CNTRL: variants seen among roughly 807,000 people sequenced by gnomAD.
CNTRL encodes the protein centriolin.
Under a neutral mutation model 303.7 loss-of-function variants are expected in CNTRL, and 233 were observed. That is an observed-to-expected ratio of 0.77 (90% CI 0.69 to 0.86). The LOEUF (loss-of-function observed/expected upper bound fraction) is 0.86. Among genes scored for constraint, CNTRL ranks in the 40% least tolerant of loss-of-function variants. CNTRL has a pLI of 0.00. For missense variants in CNTRL, 2,524 were observed against 2,650.6 expected, an observed-to-expected ratio of 0.95 and a Z score of 1.05; for synonymous variants, 900 against 922.2, an observed-to-expected ratio of 0.98 and a Z score of 0.44.
intron 16 of CNTRL, among the ~76,000 whole-genome samples, chr9:121,139,128 G>A (rs868468386): frequency 3.3e-5 from 5 of 152,050 alleles, no homozygotes; most frequent in Admixed American, 2.0e-4. Flanking sequence ...CCCTCTTCTC[G>A]GAAAGGATGC....
chr9:121,115,573 C>T (rs1231695829), intron 11 of CNTRL, among the ~76,000 whole-genome samples: 1 of 149,876 alleles, frequency 6.7e-6, no homozygotes, highest in Non-Finnish European at 1.5e-5. Flanking sequence ...TGTCATCAAA[C>T]ACAAGCCAAA....
chr9:121,173,851 A>ATCCCTGACACTGCTG, intron 42 of CNTRL, 114 bp downstream of exon 42: 2 of 991,306 alleles, frequency 2.0e-6, no homozygotes, highest in Non-Finnish European at 3.2e-6. Context: ...CAGCCCTGCC[A>ATCCCTGACACTGCTG]GCAGTGTCAG....
rs142018727 is a variant in CNTRL, at chr9:121,079,860, AT to A, written c.-204-438del. 2.6e-5 allele frequency among the ~76,000 whole-genome samples: 4 copies of A among 151,804 alleles called. No homozygotes were observed. In the East Asian group the frequency reaches 7.7e-4, roughly 29 times the overall value. ...TAAAATTTTCTGGGTTTCCTTCAGG[AT>A]TTTTTTTGTTTTGTTTTTTTGAGAT... On this transcript the variant is annotated intron_variant, in intron 1 of 43. Coordinates refer to ENST00000373855, the MANE Select transcript of CNTRL (RefSeq NM_007018.6).
At chr9:121,165,501 T>C (rs999589353) in intron 35 of CNTRL, among the ~76,000 whole-genome samples, 1 of 152,194 alleles carries the variant, frequency 6.6e-6, no homozygotes, top group African/African-American at 2.4e-5. Context: ...ATAATGAAGA[T>C]TTTAAAATTA....
chr9:121,125,238 G>T (rs1234726527), intron 13 of CNTRL, among the ~76,000 whole-genome samples: 2 of 151,488 alleles, frequency 1.3e-5, no homozygotes, highest in African/African-American at 2.4e-5. Flanking sequence ...CGTGATCTTG[G>T]CTCACTGCAA....
At position 121,154,905 on chromosome 9, in the gene CNTRL, A is replaced by G. The variant is rs777041425; in HGVS notation, c.4357A>G (p.Lys1453Glu). 2 of 1,613,932 alleles carry G rather than the reference A, an allele frequency of 1.2e-6. No individual in the cohort carries two copies. The highest frequency in any genetic ancestry group is 1.7e-5 in the Admixed American group (1 of 60,002). The change falls in exon 27 of 44, where the codon AAA becomes GAA. Residue 1453 changes from lysine to glutamate, a missense_variant. Lys to Glu is a moderately conservative substitution (Grantham distance 56). Coordinates refer to ENST00000373855, the MANE Select transcript of CNTRL (RefSeq NM_007018.6). ...AEAESELSCTKEKTKNAVEKF... is the reference protein window; with the variant it reads ...AEAESELSCTEEKTKNAVEKF... Reference sequence around the variant, plus strand: ...GGCTGAGAGTGAACTTTCATGCACTAAAGAAAAGGTTTGTCTTCTTGTGGT... The same window carrying G: ...GGCTGAGAGTGAACTTTCATGCACTGAAGAAAAGGTTTGTCTTCTTGTGGT...
chr9:121,148,899 C>A, intron 24 of CNTRL, 38 bp downstream of exon 24: 4 of 1,574,260 alleles, frequency 2.5e-6, no homozygotes, highest in Non-Finnish European at 3.5e-6. Context: ...ATTTCTCTTG[C>A]CCGTTTAATA....
rs549637659 is a variant in CNTRL, at chr9:121,161,597, C to G, written c.5090-259C>G. 3.0e-4 allele frequency: 127 copies of G among 422,672 alleles called. 2 individuals carry two copies. Among genetic ancestry groups the G allele is most frequent in the African/African-American group, 2.3e-3 (113 of 49,206 alleles). The allele number at this position is 422,672 out of a possible 1,614,324, so 26.2% of individuals were successfully genotyped here. On this transcript the variant is annotated intron_variant, in intron 32 of 43. Transcript: ENST00000373855. ...CCCTGGGCTCAAGCAGTCCTTACAC[C>G]TCAGCCTGCCAAATGGCTGGGATTA...
chr9:121,156,831 T>C (rs1158536056), intron 27 of CNTRL, among the ~76,000 whole-genome samples: 1 of 152,256 alleles, frequency 6.6e-6, no homozygotes, highest in Non-Finnish European at 1.5e-5. Context: ...TGTTTGTGTT[T>C]GTCAGCCGTA....
intron 34 of CNTRL, among the ~76,000 whole-genome samples, chr9:121,162,889 A>G (rs1049554367): frequency 6.6e-6 from 1 of 152,224 alleles, no homozygotes; most frequent in African/African-American, 2.4e-5. Flanking sequence ...ATAAACTGAC[A>G]TATATGTGAA....
chr9:121,150,992 G>C (rs2052207442), intron 25 of CNTRL, among the ~76,000 whole-genome samples: 1 of 152,280 alleles, frequency 6.6e-6, no homozygotes, highest in Admixed American at 6.5e-5. Flanking sequence ...ACATGTATGT[G>C]CACGTGTATG....
chr9:121,096,801 C>A (rs1328731518), intron 6 of CNTRL, among the ~76,000 whole-genome samples: 1 of 152,116 alleles, frequency 6.6e-6, no homozygotes, highest in Non-Finnish European at 1.5e-5. Context: ...TTTATCATTT[C>A]ATGTAAGCCT....
rs1259552567 is a variant in CNTRL at position 121,157,599 on chromosome 9, A to C, written c.4495A>C (p.Arg1499=). The change falls in exon 28 of 44, where the codon AGA becomes CGA. Residue 1499 remains arginine (R), a splice_region_variant and synonymous_variant. Coordinates refer to ENST00000373855, the MANE Select transcript of CNTRL (RefSeq NM_007018.6). Reference sequence around the variant, plus strand: ...CCTCGTCAAAGCTGATCAGCAGCTAAGGTAGGTGGATTCCCTAAGCCGTTG... The same window carrying C: ...CCTCGTCAAAGCTGATCAGCAGCTACGGTAGGTGGATTCCCTAAGCCGTTG... ...VNLVKADQQL[R]SLQADAKDLE... is the part of the protein sequence containing the mutation. The C allele has an allele frequency of 2.5e-6, 4 of 1,613,500 alleles. No homozygotes were observed. Among genetic ancestry groups the C allele is most frequent in the Non-Finnish European group, 3.4e-6 (4 of 1,179,888 alleles).
intron 11 of CNTRL, among the ~76,000 whole-genome samples, chr9:121,116,300 A>G (rs2049971464): frequency 6.6e-6 from 1 of 152,192 alleles, no homozygotes; most frequent in Admixed American, 6.5e-5. Flanking sequence ...TCTCTGCAGA[A>G]TAAGGGAGAG....
At chr9:121,120,370 A>T (rs1262238663) in intron 12 of CNTRL, among the ~76,000 whole-genome samples, 1 of 152,226 alleles carries the variant, frequency 6.6e-6, no homozygotes, top group East Asian at 1.9e-4. Context: ...TGAAACCAAA[A>T]GTAGTCTTGA....
At chr9:121,078,449 C>T (rs2048015261) in intron 1 of CNTRL, among the ~76,000 whole-genome samples, 1 of 152,134 alleles carries the variant, frequency 6.6e-6, no homozygotes, top group Non-Finnish European at 1.5e-5. Context: ...ACAGATTAAA[C>T]TCAATTTCTC....
intron 7 of CNTRL, among the ~76,000 whole-genome samples, chr9:121,100,493 G>T (rs575634102): frequency 2.6e-5 from 4 of 152,324 alleles, no homozygotes; most frequent in African/African-American, 9.6e-5. Flanking sequence ...GGAAGAAACT[G>T]CATCAAGTAA....
Position 121,177,531 on chromosome 9 carries a change from CTCTT to C in CNTRL, c.*347_*350del, listed in dbSNP as rs1053971967. On this transcript the variant is annotated 3_prime_UTR_variant, in exon 44 of 44. Transcript: ENST00000373855. ...TAACAAAAAGAATGTACTTAAGGCCCTCTTTATTTATAGTGTCGAGTTATTTTTG... is the reference window on the plus strand; with the variant it reads ...TAACAAAAAGAATGTACTTAAGGCCCTATTTATAGTGTCGAGTTATTTTTG... 7.3e-5 allele frequency: 19 copies of C among 261,544 alleles called. No individual in the cohort carries two copies. Among genetic ancestry groups the C allele is most frequent in the Non-Finnish European group, 1.0e-4 (14 of 139,160 alleles). 16.2% of individuals were successfully genotyped at this position (261,544 alleles called of 1,614,324 possible). A position where few individuals can be genotyped will look rare whatever the true frequency, so the allele number is the denominator to read the frequency against.
chr9:121,091,024 T>C (rs2048547267), intron 4 of CNTRL, among the ~76,000 whole-genome samples: 1 of 152,148 alleles, frequency 6.6e-6, no homozygotes, highest in African/African-American at 2.4e-5. Context: ...CCACCAGATC[T>C]TGTGAGACTT....
Sources: allele counts gnomAD v4.1 joint callset (sites outside exome capture counted in the v4.1 genomes callset), GRCh38; gene constraint gnomAD v4.1.1; transcripts MANE v1.5; gene names NCBI Gene and HGNC (gene_info 2026-07-23, HGNC 2026-07-21).